Variants in FHIT observed in about 807,000 individuals in gnomAD.
The protein encoded by FHIT is bis(5'-adenosyl)-triphosphatase.
FHIT carries 19 observed loss-of-function variants against 17.9 expected under a neutral mutation model. That is an observed-to-expected ratio of 1.06 (90% confidence interval 0.74 to 1.56). The LOEUF (loss-of-function observed/expected upper bound fraction) is 1.56, where lower values mean the gene tolerates loss of function less well. FHIT is among the 40% of genes most tolerant of loss of function. The pLI, the probability that FHIT is intolerant of heterozygous loss-of-function variation, is 0.00. For missense variants in FHIT, 248 were observed against 189.2 expected (o/e 1.31, Z -1.82); for synonymous variants, 81 against 69.7 (o/e 1.16, Z -0.81).
intron 4 of FHIT, among the ~76,000 whole-genome samples, chr3:60,769,853 T>A (rs1699982911): frequency 6.6e-6 from 1 of 152,228 alleles, no homozygotes; most frequent in African/African-American, 2.4e-5. Flanking sequence ...GACTCAAATA[T>A]AGAAGTATGG....
intron 3 of FHIT, among the ~76,000 whole-genome samples, chr3:60,983,701 G>A (rs6446172): frequency 0.67 from 101,941 of 151,950 alleles, 34,495 homozygotes; most frequent in East Asian, 0.83. Context: ...ACTAAGTCTC[G>A]TACTGATGGG....
In FHIT at chr3:60,760,919, C is replaced by T. The variant is rs1028160260; in HGVS notation, c.-18+61000G>A. 7.2e-5 allele frequency among the ~76,000 whole-genome samples: 11 copies of T among 152,292 alleles called. No individual in the cohort carries two copies. In the South Asian group the frequency reaches 1.7e-3, roughly 23 times the overall value. On this transcript the variant is annotated intron_variant, in intron 4 of 9. Transcript: ENST00000492590. ...CTGAGTGGCACAACCAACAAAACAA[C>T]ATTCAAATATATGGAAATGATCTTT... is the stretch of plus-strand genomic sequence containing the variant.
Position 60,315,119 on chromosome 3 carries a change from C to T in FHIT, c.103+221741G>A, listed in dbSNP as rs912831135. 5.9e-5 allele frequency among the ~76,000 whole-genome samples: 9 copies of T among 152,046 alleles called. 1 individual carries two copies. The highest frequency in any genetic ancestry group is 2.0e-4 in the Admixed American group (3 of 15,248). ...GCGAGAGAAAGGGAAAGATGCCCAC[C>T]CAACCTCCAGCTATCTGAGTCATCC... On this transcript the variant is annotated intron_variant, in intron 5 of 9. Transcript: ENST00000492590.
intron 5 of FHIT, among the ~76,000 whole-genome samples, chr3:60,294,351 A>T (rs1384979456): frequency 1.3e-5 from 2 of 152,134 alleles, no homozygotes; most frequent in South Asian, 2.1e-4. Flanking sequence ...GCTGGAAGGG[A>T]CCTCAGAGAT....
chr3:59,918,751 C>T (rs754928162), intron 8 of FHIT, among the ~76,000 whole-genome samples: 6 of 152,162 alleles, frequency 3.9e-5, no homozygotes, highest in Non-Finnish European at 7.4e-5. Flanking sequence ...AGAAGGCAGT[C>T]GTGGCAACTG....
At chr3:60,085,549 C>T (rs543017439) in intron 5 of FHIT, among the ~76,000 whole-genome samples, 45 of 152,106 alleles carry the variant, frequency 3.0e-4, no homozygotes, top group African/African-American at 1.0e-3. Flanking sequence ...TATTTTTTTC[C>T]TCCGGAATGT....
intron 5 of FHIT, among the ~76,000 whole-genome samples, chr3:60,174,950 G>C (rs78068638): frequency 6.6e-6 from 1 of 152,142 alleles, no homozygotes; most frequent in African/African-American, 2.4e-5. Context: ...TGCCTGGCAC[G>C]TAGTGAATTT....
chr3:59,909,226 G>A (rs540973739), intron 8 of FHIT, among the ~76,000 whole-genome samples: 1 of 151,924 alleles, frequency 6.6e-6, no homozygotes, highest in Non-Finnish European at 1.5e-5. Flanking sequence ...TAGAGATGAG[G>A]CTTCACCATG....
intron 3 of FHIT, among the ~76,000 whole-genome samples, chr3:60,964,416 C>G (rs1193366003): frequency 6.6e-6 from 1 of 152,118 alleles, no homozygotes; most frequent in Non-Finnish European, 1.5e-5. Flanking sequence ...TTAATTGGAG[C>G]ATTTAGTCCA....
intron 8 of FHIT, among the ~76,000 whole-genome samples, chr3:59,857,217 G>A (rs1166715461): frequency 3.9e-5 from 6 of 152,152 alleles, no homozygotes; most frequent in Non-Finnish European, 7.3e-5. Flanking sequence ...TTAAATTGCA[G>A]CATTTCTAAT....
chr3:59,911,455 T>C (rs938433185), intron 8 of FHIT, among the ~76,000 whole-genome samples: 4 of 152,174 alleles, frequency 2.6e-5, no homozygotes, highest in Non-Finnish European at 4.4e-5. Flanking sequence ...TGGAGAGTAC[T>C]GGTGGGCCTT....
intron 5 of FHIT, among the ~76,000 whole-genome samples, chr3:60,444,977 G>A (rs2031217519): frequency 1.3e-5 from 2 of 152,090 alleles, no homozygotes; most frequent in Admixed American, 6.6e-5. Context: ...CCCTAGTTCC[G>A]TTAGATTGAA....
At chr3:60,141,800 G>A (rs1700050581) in intron 5 of FHIT, among the ~76,000 whole-genome samples, 1 of 152,128 alleles carries the variant, frequency 6.6e-6, no homozygotes, top group South Asian at 2.1e-4. Context: ...AAATGTACCT[G>A]GAAGGATTAT....
chr3:59,942,440 T>G (rs780180333), intron 7 of FHIT, among the ~76,000 whole-genome samples: 5 of 152,140 alleles, frequency 3.3e-5, no homozygotes, highest in Non-Finnish European at 7.4e-5. Context: ...TGTCAGACCA[T>G]TGGTTAAATA....
chr3:60,167,698 G>T (rs1282503593), intron 5 of FHIT, among the ~76,000 whole-genome samples: 1 of 152,182 alleles, frequency 6.6e-6, no homozygotes, highest in Non-Finnish European at 1.5e-5. Context: ...TGAAAGTGGA[G>T]AATTGCTCAG....
chr3:60,910,339 T>G (rs1553765548), intron 3 of FHIT, among the ~76,000 whole-genome samples: 1 of 151,826 alleles, frequency 6.6e-6, no homozygotes, highest in Non-Finnish European at 1.5e-5. Context: ...AGAGGAGGAC[T>G]GTGAGGGGGG....
At chr3:61,150,041 C>T (rs761369417) in intron 2 of FHIT, among the ~76,000 whole-genome samples, 20 of 152,094 alleles carry the variant, frequency 1.3e-4, no homozygotes, top group Non-Finnish European at 2.1e-4. Flanking sequence ...AGGCACTGCC[C>T]CTGTCCTTTT....
intron 1 of FHIT, among the ~76,000 whole-genome samples, chr3:61,204,989 A>G (rs2039169396): frequency 8.9e-6 from 1 of 112,836 alleles, no homozygotes; most frequent in Non-Finnish European, 1.7e-5. Context: ...GCCCCACAAC[A>G]ATCCCCAGTG....
At chr3:60,445,697 C>A (rs1326610249) in intron 5 of FHIT, among the ~76,000 whole-genome samples, 1 of 151,838 alleles carries the variant, frequency 6.6e-6, no homozygotes, top group African/African-American at 2.4e-5. Flanking sequence ...CTTATTTTTC[C>A]CCCTGTAGAC....
Sources: allele counts gnomAD v4.1 joint callset (sites outside exome capture counted in the v4.1 genomes callset), GRCh38; gene constraint gnomAD v4.1.1; transcripts MANE v1.5; gene names NCBI Gene and HGNC (gene_info 2026-07-23, HGNC 2026-07-21).